The following IGSF10 variants were observed in gnomAD, a reference collection of about 807,000 sequenced individuals.
IGSF10 encodes calvaria mechanical force protein 608.
A neutral mutation model predicts 128.2 loss-of-function variants in IGSF10; 126 were observed. That is an observed-to-expected ratio of 0.98 (90% confidence interval 0.85 to 1.14). The LOEUF (loss-of-function observed/expected upper bound fraction) is 1.14. IGSF10 is among the 50% of genes most tolerant of loss of function. The pLI, the probability that IGSF10 is intolerant of heterozygous loss-of-function variation, is 0.00. For synonymous variants in IGSF10, 1,185 were observed against 1,146.2 expected, an observed-to-expected ratio of 1.03 and a Z score of -0.68; for missense variants, 3,295 against 3,149.8, an observed-to-expected ratio of 1.05 and a Z score of -1.10.
the IGSF10 span, among the ~76,000 whole-genome samples, chr3:151,534,536 C>G: frequency 0.011 from 1,610 of 152,022 alleles, 12 homozygotes; most frequent in Admixed American, 0.016. Flanking sequence ...CCATCATTCT[C>G]AGCAAACTAA....
At position 151,443,143 on chromosome 3, in the gene IGSF10, T is replaced by C; in HGVS notation, c.5804A>G (p.Glu1935Gly). The change falls in exon 7 of 8, where the codon GAA (glutamate) becomes GGA (glycine). Residue 1935 changes from glutamate (E) to glycine (G), a missense_variant. Glu to Gly is a moderately conservative substitution (Grantham distance 98). Transcript: ENST00000282466. ...SERRVVMLTM[E>G]ERVTSPRIEA... is the part of the protein sequence containing the mutation. ...TATCCTGGGGCTGGTCACTCGCTCT[T>C]CCATTGTAAGCATTACTACTCTTCG... is the stretch of plus-strand genomic sequence containing the variant. The C allele has an allele frequency of 1.2e-6, 2 of 1,614,254 alleles. No individual in the cohort carries two copies. The highest frequency in any genetic ancestry group is 1.6e-4 in the Middle Eastern group (1 of 6,062).
chr3:151,435,751 T>C (rs1159022415), downstream of IGSF10: 1 of 152,198 alleles, frequency 6.6e-6, no homozygotes, highest in African/African-American at 2.4e-5. Flanking sequence ...ATTAAGCATG[T>C]AATATAAATT....
the IGSF10 span, among the ~76,000 whole-genome samples, chr3:151,506,962 A>G: frequency 6.6e-5 from 10 of 152,232 alleles, no homozygotes; most frequent in Admixed American, 6.5e-4. Context: ...ATAGTTGGTA[A>G]AAATAGAACT....
At position 151,446,094 on chromosome 3, in the gene IGSF10, G is replaced by A; in HGVS notation, c.3887C>T (p.Pro1296Leu). 6.2e-7 allele frequency: 1 copy of A among 1,614,210 alleles called. No homozygotes were observed. The highest frequency in any genetic ancestry group is 8.5e-7 in the Non-Finnish European group (1 of 1,180,046). ...KKELPFPPLN[P>L]MLPSIISKDS... ...TTTGCTTATAATACTAGGAAGCATAGGGTTAAGGGGTGGGAAGGGAAGCTC... is the reference window on the plus strand; with the variant it reads ...TTTGCTTATAATACTAGGAAGCATAAGGTTAAGGGGTGGGAAGGGAAGCTC... Residue 1296 changes from proline to leucine, a missense_variant, in exon 6 of 8, where the codon CCT becomes CTT. By Grantham distance (98) the Pro-to-Leu change is moderately conservative. Transcript: ENST00000282466.
chr3:151,453,428 T>C lies in IGSF10; in HGVS notation c.671A>G (p.Asp224Gly). ...LYLHGNPWTC[D>G]CHLKWLSDWI... ...GTCAGACAACCACTTTAAATGGCAA[T>C]CACAGGTCCATGGGTTTCCATGCAG... The change falls in exon 5 of 8, where the codon GAT (aspartate) becomes GGT (glycine). Residue 224 changes from aspartate to glycine, a missense_variant. By Grantham distance (94) the Asp-to-Gly change is moderately conservative (BLOSUM62 -1). Transcript: ENST00000282466. 2 of 1,610,824 alleles carry C rather than the reference T, an allele frequency of 1.2e-6. No homozygotes were observed. The highest frequency in any genetic ancestry group is 1.7e-6 in the Non-Finnish European group (2 of 1,179,216).
At chr3:151,494,365 G>A in the IGSF10 span, among the ~76,000 whole-genome samples, 10 of 152,084 alleles carry the variant, frequency 6.6e-5, no homozygotes, top group Non-Finnish European at 1.3e-4. Flanking sequence ...GGAGCTATGT[G>A]CAGAAACCCC....
At chr3:151,548,676 T>A in the IGSF10 span, among the ~76,000 whole-genome samples, 1 of 152,226 alleles carries the variant, frequency 6.6e-6, no homozygotes, top group African/African-American at 2.4e-5. Flanking sequence ...AATATTCATA[T>A]CTTTCAGTTC....
the IGSF10 span, among the ~76,000 whole-genome samples, chr3:151,498,420 A>G: frequency 6.6e-6 from 1 of 152,176 alleles, no homozygotes; most frequent in Non-Finnish European, 1.5e-5. Flanking sequence ...TCAATAAAAT[A>G]CTGGCAAATC....
At position 151,437,267 on chromosome 3, in the gene IGSF10, G is replaced by A; in HGVS notation, c.7294C>T (p.Pro2432Ser). 1 of 1,614,132 alleles carries A rather than the reference G, an allele frequency of 6.2e-7. No homozygotes were observed. The highest frequency in any genetic ancestry group is 2.2e-5 in the East Asian group (1 of 44,878). ...CCTGGTGCATAGGTAAGAATAACTGGCTTCTGGCCAATTTCTAATATGACT... is the reference window on the plus strand; with the variant it reads ...CCTGGTGCATAGGTAAGAATAACTGACTTCTGGCCAATTTCTAATATGACT... ...KLVILEIGQK[P>S]VILTYAPGTV... Residue 2432 changes from proline to serine, a missense_variant, in exon 8 of 8, where the codon CCA (proline) becomes TCA (serine). Physicochemically the swap from Pro to Ser is moderately conservative, Grantham distance 74 (BLOSUM62 -1). Coordinates refer to ENST00000282466, the MANE Select transcript of IGSF10 (RefSeq NM_178822.5).
At chr3:151,501,420 A>G in the IGSF10 span, among the ~76,000 whole-genome samples, 1 of 149,360 alleles carries the variant, frequency 6.7e-6, no homozygotes, top group South Asian at 2.1e-4. Flanking sequence ...AGGACAATAT[A>G]TTGAAAATAA....
At chr3:151,577,725 G>A in the IGSF10 span, among the ~76,000 whole-genome samples, 1 of 151,654 alleles carries the variant, frequency 6.6e-6, no homozygotes, top group East Asian at 1.9e-4. Flanking sequence ...TGACCTCTGA[G>A]AACTATAGAT....
chr3:151,610,328 T>C, the IGSF10 span, among the ~76,000 whole-genome samples: 2 of 152,212 alleles, frequency 1.3e-5, no homozygotes, highest in Admixed American at 1.3e-4. Flanking sequence ...TGCCATCTTA[T>C]AGGCCACCGG....
chr3:151,562,948 C>T, the IGSF10 span, among the ~76,000 whole-genome samples: 3 of 152,210 alleles, frequency 2.0e-5, no homozygotes, highest in Admixed American at 6.5e-5. Flanking sequence ...CTAGCAACCT[C>T]CACCTAGCAA....
chr3:151,542,536 T>C, the IGSF10 span, among the ~76,000 whole-genome samples: 3 of 152,220 alleles, frequency 2.0e-5, no homozygotes, highest in African/African-American at 7.2e-5. Context: ...TATATATGCA[T>C]GTGTATTTTT....
chr3:151,483,592 T>C, the IGSF10 span, among the ~76,000 whole-genome samples: 1 of 152,172 alleles, frequency 6.6e-6, no homozygotes, highest in African/African-American at 2.4e-5. Context: ...GGATGATTTC[T>C]ATATTTCTAA....
chr3:151,585,673 A>G, the IGSF10 span, among the ~76,000 whole-genome samples: 1 of 152,008 alleles, frequency 6.6e-6, no homozygotes, highest in African/African-American at 2.4e-5. Context: ...CTGTTGATGA[A>G]TTCCCTCAGT....
At chr3:151,564,998 T>C in the IGSF10 span, among the ~76,000 whole-genome samples, 4 of 152,320 alleles carry the variant, frequency 2.6e-5, no homozygotes, top group South Asian at 6.2e-4. Flanking sequence ...AGAGGCAAGC[T>C]AAGTAACTTG....
chr3:151,472,129 G>C, the IGSF10 span, among the ~76,000 whole-genome samples: 1 of 152,058 alleles, frequency 6.6e-6, no homozygotes, highest in Admixed American at 6.6e-5. Flanking sequence ...TGCTAAAATG[G>C]TTTATAACCA....
the IGSF10 span, among the ~76,000 whole-genome samples, chr3:151,502,908 A>AT: frequency 1.3e-5 from 2 of 152,086 alleles, no homozygotes; most frequent in African/African-American, 2.4e-5. Context: ...TTGAACTTCT[A>AT]TTTTGAAAGG....
Sources: allele counts gnomAD v4.1 joint callset (sites outside exome capture counted in the v4.1 genomes callset), GRCh38; gene constraint gnomAD v4.1.1; transcripts MANE v1.5; gene names NCBI Gene and HGNC (gene_info 2026-07-23, HGNC 2026-07-21).